Variants in NRXN3 observed in about 807,000 individuals in gnomAD.
The protein encoded by NRXN3 is neurexin 3, also known as neurexin III.
NRXN3 carries 32 observed loss-of-function variants against 137.6 expected under a neutral mutation model. That is an observed-to-expected ratio of 0.23 (90% CI 0.18 to 0.31). The LOEUF is 0.31. Ranked by LOEUF, NRXN3 falls within the 10% of genes least tolerant of loss-of-function variation. The pLI, the probability that NRXN3 is intolerant of heterozygous loss-of-function variation, is 1.00. For synonymous variants in NRXN3, 798 were observed against 784.5 expected (o/e 1.02, Z -0.29); for missense variants, 1,574 against 2,062.5 (o/e 0.76, Z 4.59).
At chr14:78,245,014 A>G (rs772651242) in intron 2 of NRXN3, among the ~76,000 whole-genome samples, 2 of 152,190 alleles carry the variant, frequency 1.3e-5, no homozygotes, top group South Asian at 4.1e-4. Context: ...GGACTTACTC[A>G]CGGCTTAGAT....
intron 19 of NRXN3, among the ~76,000 whole-genome samples, chr14:79,718,436 A>G (rs1025024023): frequency 2.6e-5 from 4 of 152,242 alleles, no homozygotes; most frequent in Non-Finnish European, 5.9e-5. Flanking sequence ...GCAAACTATT[A>G]GAACGTACTA....
intron 15 of NRXN3, among the ~76,000 whole-genome samples, chr14:79,265,047 C>T (rs2078233546): frequency 6.6e-6 from 1 of 151,462 alleles, no homozygotes; most frequent in Non-Finnish European, 1.5e-5. Context: ...ATTAACTGGC[C>T]AAATGTCGTA....
chr14:78,495,138 C>CAT (rs1555568270), intron 4 of NRXN3, among the ~76,000 whole-genome samples: 115 of 140,308 alleles, frequency 8.2e-4, no homozygotes, highest in African/African-American at 2.9e-3. Flanking sequence ...TGTGTGCGTG[C>CAT]GTGTGTGTGT....
chr14:79,114,646 A>G (rs2054086570), intron 15 of NRXN3, among the ~76,000 whole-genome samples: 1 of 152,132 alleles, frequency 6.6e-6, no homozygotes, highest in African/African-American at 2.4e-5. Flanking sequence ...TTAGTCATGC[A>G]CATACTGGAT....
intron 1 of NRXN3, among the ~76,000 whole-genome samples, chr14:78,211,742 T>C (rs971766561): frequency 1.3e-5 from 2 of 152,226 alleles, no homozygotes; most frequent in Non-Finnish European, 2.9e-5. Context: ...TTATTTTAAT[T>C]AGGAGAGCAG....
chr14:78,598,622 A>G (rs1360333407), intron 4 of NRXN3, among the ~76,000 whole-genome samples: 1 of 152,214 alleles, frequency 6.6e-6, no homozygotes, highest in Non-Finnish European at 1.5e-5. Context: ...AACAGATATC[A>G]TTATGTGGTT....
chr14:78,573,989 C>T (rs1015941293), intron 4 of NRXN3, among the ~76,000 whole-genome samples: 1 of 152,200 alleles, frequency 6.6e-6, no homozygotes, highest in African/African-American at 2.4e-5. Context: ...TGTGCAGTCT[C>T]AGAACTTGGT....
At chr14:79,689,983 C>T (rs537636018) in intron 17 of NRXN3, among the ~76,000 whole-genome samples, 100 of 152,210 alleles carry the variant, frequency 6.6e-4, no homozygotes, top group African/African-American at 2.3e-3. Context: ...CAATCTATTC[C>T]GTAGTGAGTA....
intron 15 of NRXN3, among the ~76,000 whole-genome samples, chr14:79,022,555 T>G (rs892302292): frequency 6.6e-6 from 1 of 152,152 alleles, no homozygotes; most frequent in Non-Finnish European, 1.5e-5. Flanking sequence ...TTTCATAACT[T>G]TTGTAGCACT....
intron 4 of NRXN3, among the ~76,000 whole-genome samples, chr14:78,471,326 ACACACACC>A (rs371508018): frequency 0.67 from 87,706 of 131,274 alleles, 27,131 homozygotes; most frequent in South Asian, 0.73. Context: ...ACACACACAC[ACACACACC>A]CCCAAGAAAT....
At chr14:78,494,930 AT>A (rs931790019) in intron 4 of NRXN3, among the ~76,000 whole-genome samples, 1 of 152,054 alleles carries the variant, frequency 6.6e-6, no homozygotes, top group African/African-American at 2.4e-5. Flanking sequence ...GCCTCTTGAT[AT>A]GGGGCCAGGT....
intron 15 of NRXN3, among the ~76,000 whole-genome samples, chr14:79,110,689 A>G (rs1197413229): frequency 6.6e-6 from 1 of 152,160 alleles, no homozygotes; most frequent in African/African-American, 2.4e-5. Context: ...AAATGTTAAC[A>G]TGAGGAAAAG....
chr14:79,249,736 TTA>T (rs1291186856), intron 15 of NRXN3, among the ~76,000 whole-genome samples: 4 of 152,166 alleles, frequency 2.6e-5, no homozygotes, highest in Non-Finnish European at 4.4e-5. Context: ...AAAGACAGTC[TTA>T]TGATGTGATC....
chr14:79,232,657 A>T (rs1210779435), intron 15 of NRXN3, among the ~76,000 whole-genome samples: 1 of 152,092 alleles, frequency 6.6e-6, no homozygotes, highest in African/African-American at 2.4e-5. Context: ...AATTTCTTTC[A>T]GTTAGGGTGA....
At chr14:78,403,409 G>A (rs751210539) in intron 4 of NRXN3, among the ~76,000 whole-genome samples, 11 of 152,164 alleles carry the variant, frequency 7.2e-5, no homozygotes, top group Non-Finnish European at 1.2e-4. Context: ...AGCAGAGCTC[G>A]CATTCTGGGA....
At chr14:78,736,064 G>C (rs1392037029) in intron 8 of NRXN3, among the ~76,000 whole-genome samples, 1 of 152,020 alleles carries the variant, frequency 6.6e-6, no homozygotes, top group Non-Finnish European at 1.5e-5. Context: ...AGCAAACTAA[G>C]GTGCTTTCCA....
chr14:78,314,925 TTC>T (rs1445022437), intron 4 of NRXN3, among the ~76,000 whole-genome samples: 2 of 120,754 alleles, frequency 1.7e-5, no homozygotes. Flanking sequence ...CTTTCTTTCT[TTC>T]TTTCTTTCTT....
chr14:78,832,844 A>G lies in NRXN3; in HGVS notation c.2275+22500A>G, dbSNP rs79418821. Among the ~76,000 whole-genome samples, 729 of 152,322 alleles carry G rather than the reference A, an allele frequency of 4.8e-3. 8 individuals are homozygous for G. The highest frequency in any genetic ancestry group is 0.017 in the African/African-American group (692 of 41,572). On this transcript the variant is annotated intron_variant, in intron 10 of 20. Transcript: ENST00000335750. ...AACTCATCTTGTTATGTAGGACTGA[A>G]GAGGAGCTTGGATGTCAGTTGGATA... is the stretch of plus-strand genomic sequence containing the variant.
chr14:79,367,595 G>A (rs1183773044), intron 15 of NRXN3, among the ~76,000 whole-genome samples: 1 of 151,958 alleles, frequency 6.6e-6, no homozygotes, highest in East Asian at 1.9e-4. Flanking sequence ...GAAAGAATAA[G>A]AACTAATGTT....
Sources: allele counts gnomAD v4.1 joint callset (sites outside exome capture counted in the v4.1 genomes callset), GRCh38; gene constraint gnomAD v4.1.1; transcripts MANE v1.5; gene names NCBI Gene and HGNC (gene_info 2026-07-23, HGNC 2026-07-21).